CCL5: variants seen among roughly 807,000 people sequenced by gnomAD.
The protein encoded by CCL5 is C-C motif chemokine 5.
In CCL5, 5 loss-of-function variants were observed where a neutral mutation model predicts 9.0. The observed-to-expected ratio is 0.55, with a 90% CI of 0.29 to 1.16. CCL5 has a LOEUF of 1.16. CCL5 is among the 50% of genes most tolerant of loss of function. The pLI is 0.08. For synonymous variants in CCL5, 66 were observed against 72.0 expected, an observed-to-expected ratio of 0.92 and a Z score of 0.42; for missense variants, 183 against 183.2, an observed-to-expected ratio of 1.00 and a Z score of 0.01.
At chr17:35,875,198 T>C (rs1277011198) in intron 3 of CCL5, among the ~76,000 whole-genome samples, 1 of 152,246 alleles carries the variant, frequency 6.6e-6, no homozygotes, top group Non-Finnish European at 1.5e-5. Flanking sequence ...TCTGTCAAAG[T>C]CATTAAGCTC....
chr17:35,880,248 G>T lies in CCL5; in HGVS notation c.58C>A (p.Pro20Thr). ...GACTTACATGGGGAGGCAGATGCAGGAGCGCAGAGGGCAGTAGCAATGAGG... is the reference window on the plus strand; with the variant it reads ...GACTTACATGGGGAGGCAGATGCAGTAGCGCAGAGGGCAGTAGCAATGAGG... Residue 20 changes from proline to threonine, a missense_variant, in exon 1 of 4, where the codon CCT becomes ACT. Transcript: ENST00000651122. The T allele has an allele frequency of 6.2e-7, 1 of 1,613,904 alleles. No homozygotes were observed. The highest frequency in any genetic ancestry group is 8.5e-7 in the Non-Finnish European group (1 of 1,179,910).
At chr17:35,876,323 T>C (rs952776826) in intron 2 of CCL5, among the ~76,000 whole-genome samples, 10 of 152,180 alleles carry the variant, frequency 6.6e-5, no homozygotes, top group African/African-American at 2.4e-4. Context: ...CCTAACACCC[T>C]TTCCTCAGCT....
intron 3 of CCL5, among the ~76,000 whole-genome samples, chr17:35,873,189 CTCTTTTTTTTTTTCCTTT>C (rs2088396075): frequency 1.6e-5 from 2 of 123,874 alleles, no homozygotes; most frequent in African/African-American, 3.6e-5. Context: ...GGCGCCTGGC[CTCTTTTTTTTTTTCCTTT>C]GAGACGGAGT....
chr17:35,875,595 T>G lies in CCL5; in HGVS notation c.236A>C (p.Asp79Ala), dbSNP rs559153936. 23 of 985,432 alleles carry G rather than the reference T, an allele frequency of 2.3e-5. No individual in the cohort carries two copies. The Middle Eastern group carries it at 2.1e-3, about 89-fold the overall frequency. 61.0% of individuals were successfully genotyped at this position (985,432 alleles called of 1,614,324 possible). A position where few individuals can be genotyped will look rare whatever the true frequency, so the allele number is the denominator to read the frequency against. ...GTTCAGCCGGGAGTCATACAGGAAA[T>G]CCTGCCAGACTTGCTGTCCCTCTCT... Residue 79 changes from aspartate to alanine, a missense_variant, in exon 3 of 4, where the codon GAT (aspartate) becomes GCT (alanine). Asp to Ala is a moderately radical substitution (Grantham distance 126). Coordinates refer to ENST00000651122, the MANE Select transcript of CCL5 (RefSeq NM_001278736.2).
intron 1 of CCL5, 40 bp downstream of exon 1, chr17:35,880,190 T>G: frequency 6.4e-7 from 1 of 1,558,580 alleles, no homozygotes; most frequent in Non-Finnish European, 8.8e-7. Context: ...CTAGGCAGAG[T>G]CTGACTCCAG....
intron 2 of CCL5, among the ~76,000 whole-genome samples, chr17:35,877,850 G>A (rs1212408687): frequency 6.6e-6 from 1 of 152,078 alleles, no homozygotes; most frequent in Non-Finnish European, 1.5e-5. Context: ...TTCCTCTGAG[G>A]TTTAGGTGGA....
intron 1 of CCL5, among the ~76,000 whole-genome samples, chr17:35,878,971 T>C (rs994592107): frequency 6.6e-6 from 1 of 152,156 alleles, no homozygotes; most frequent in Non-Finnish European, 1.5e-5. Context: ...GAACTTGGTT[T>C]CTTTGAGACC....
At chr17:35,877,581 C>A (rs1267088147) in intron 2 of CCL5, among the ~76,000 whole-genome samples, 2 of 152,330 alleles carry the variant, frequency 1.3e-5, no homozygotes, top group East Asian at 3.9e-4. Context: ...CTCTCTGAAT[C>A]TTAGTTTCAA....
At chr17:35,873,288 C>T (rs1045147568) in intron 3 of CCL5, among the ~76,000 whole-genome samples, 2 of 151,500 alleles carry the variant, frequency 1.3e-5, no homozygotes, top group Non-Finnish European at 2.9e-5. Context: ...CCCGGGTTCA[C>T]GCCATTCTCC....
Position 35,880,246 on chromosome 17 carries a change from A to T in CCL5, c.60T>A (p.Pro20=), listed in dbSNP as rs765019016. Residue 20 remains proline (P), a synonymous_variant, in exon 1 of 4, where the codon CCT becomes CCA. Transcript: ENST00000651122. ...AGGACTTACATGGGGAGGCAGATGC[A>T]GGAGCGCAGAGGGCAGTAGCAATGA... 6.2e-7 allele frequency: 1 copy of T among 1,613,860 alleles called. No homozygotes were observed. Among genetic ancestry groups the T allele is most frequent in the East Asian group, 2.2e-5 (1 of 44,878 alleles).
Position 35,878,510 on chromosome 17 carries a change from C to T in CCL5, c.188+18G>A, listed in dbSNP as rs546323250. 15 of 1,569,340 alleles carry T rather than the reference C, an allele frequency of 9.6e-6. No homozygotes were observed. In the South Asian group the frequency reaches 1.6e-4, roughly 16 times the overall value. On this transcript the variant is annotated intron_variant, in intron 2 of 3. Coordinates refer to ENST00000651122, the MANE Select transcript of CCL5 (RefSeq NM_001278736.2). Reference sequence around the variant, plus strand: ...CAGGGAACAGGCTCTGGGAGGGCTCCATGGGGCTGAGACTCACACGACTGC... The same window carrying T: ...CAGGGAACAGGCTCTGGGAGGGCTCTATGGGGCTGAGACTCACACGACTGC...
At position 35,872,363 on chromosome 17, in the gene CCL5, A is replaced by G. The variant is rs751159728; in HGVS notation, c.372T>C (p.Leu124=). 1 of 1,613,342 alleles carries G rather than the reference A, an allele frequency of 6.2e-7. No individual in the cohort carries two copies. Among genetic ancestry groups the G allele is most frequent in the South Asian group, 1.1e-5 (1 of 91,002 alleles). ...GGCAAATTTGTGTAAGTTCAGGTTC[A>G]AGGACTCTCCATCCTAGCTCATCTC... The change falls in exon 4 of 4, where the codon CTT becomes CTC. Residue 124 remains leucine, a synonymous_variant. Coordinates refer to ENST00000651122, the MANE Select transcript of CCL5 (RefSeq NM_001278736.2).
rs2088498759 is a variant in CCL5 at position 35,880,249 on chromosome 17, A to T, written c.57T>A (p.Ala19=). The T allele has an allele frequency of 6.2e-7, 1 of 1,613,922 alleles. No individual in the cohort carries two copies. Among genetic ancestry groups the T allele is most frequent in the Non-Finnish European group, 8.5e-7 (1 of 1,179,916 alleles). Residue 19 remains alanine (A), a synonymous_variant, in exon 1 of 4, where the codon GCT becomes GCA. Coordinates refer to ENST00000651122, the MANE Select transcript of CCL5 (RefSeq NM_001278736.2). ...ACTTACATGGGGAGGCAGATGCAGG[A>T]GCGCAGAGGGCAGTAGCAATGAGGA...
At position 35,871,513 on chromosome 17, in the gene CCL5, T is replaced by C. The variant is rs1407164702; in HGVS notation, c.*757A>G. The C allele has an allele frequency of 6.6e-6, 1 of 152,284 alleles. No individual in the cohort carries two copies. Among genetic ancestry groups the C allele is most frequent in the Non-Finnish European group, 1.5e-5 (1 of 68,102 alleles). The allele number at this position is 152,284 out of a possible 1,614,324, so 9.4% of individuals were successfully genotyped here. Reference sequence around the variant, plus strand: ...AGCTTTATGGTTGCATTGAGAACTTTAATGGTAAGCCGATTTTTCATGTTT... The same window carrying C: ...AGCTTTATGGTTGCATTGAGAACTTCAATGGTAAGCCGATTTTTCATGTTT... On this transcript the variant is annotated 3_prime_UTR_variant, in exon 4 of 4. Coordinates refer to ENST00000651122, the MANE Select transcript of CCL5 (RefSeq NM_001278736.2).
Position 35,872,440 on chromosome 17 carries a change from T to TTGGCGGTTCTTTCGGGTGACAAAGCTG in CCL5, c.271-3_294dup (p.Pro98_Ser99insGlnLeuCysHisProLysGluProPro). 1 of 1,614,046 alleles carries TTGGCGGTTCTTTCGGGTGACAAAGCTG rather than the reference T, an allele frequency of 6.2e-7. No individual in the cohort carries two copies. The highest frequency in any genetic ancestry group is 8.5e-7 in the Non-Finnish European group (1 of 1,180,006). The stretch of plus-strand genomic sequence containing the variant: ...ATTTCTTCTCTGGGTTGGCACACAC[T>TTGGCGGTTCTTTCGGGTGACAAAGCTG]TGGCGGTTCTTTCGGGTGACAAAGC... On this transcript the variant is annotated inframe_insertion, in exon 4 of 4. Transcript: ENST00000651122.
chr17:35,873,777 T>G (rs2088407395), intron 3 of CCL5, among the ~76,000 whole-genome samples: 1 of 152,192 alleles, frequency 6.6e-6, no homozygotes, highest in Non-Finnish European at 1.5e-5. Flanking sequence ...GTGTTGTTAC[T>G]AGAATGCTCT....
At chr17:35,875,434 G>T (rs933874050) in intron 3 of CCL5, 2 of 215,034 alleles carry the variant, frequency 9.3e-6, no homozygotes, top group Admixed American at 6.5e-5. Flanking sequence ...AGAGCCACTT[G>T]ACCATCTCTT....
rs1015132261 is a variant in CCL5 at position 35,872,559 on chromosome 17, T to G, written c.271-95A>C. The G allele has an allele frequency of 2.5e-5, 25 of 998,274 alleles. 1 individual carries two copies. In the Admixed American group the frequency reaches 4.3e-4, roughly 17 times the overall value. The allele number at this position is 998,274 out of a possible 1,614,324, so 61.8% of individuals were successfully genotyped here. A position where few individuals can be genotyped will look rare whatever the true frequency, so the allele number is the denominator to read the frequency against. On this transcript the variant is annotated intron_variant, in intron 3 of 3. Transcript: ENST00000651122. ...AGTGGATTAAGGTATAAAGGGAAATTATGATGATATCGGGGTAGGGCATAT... is the reference window on the plus strand; with the variant it reads ...AGTGGATTAAGGTATAAAGGGAAATGATGATGATATCGGGGTAGGGCATAT...
At chr17:35,878,733 A>T in intron 1 of CCL5, 94 bp from the exon 2 acceptor site, 1 of 739,726 alleles carries the variant, frequency 1.4e-6, no homozygotes, top group East Asian at 2.7e-5. Flanking sequence ...ATTTAGAAAG[A>T]ACTGTTATCT....
Sources: gnomAD v4.1 joint callset for allele counts (sites outside exome capture counted in the v4.1 genomes callset) on GRCh38, gnomAD v4.1.1 for gene constraint, MANE v1.5 for transcripts, NCBI Gene and HGNC (gene_info 2026-07-23, HGNC 2026-07-21) for gene names.